SNURF: variants seen among roughly 807,000 people sequenced by gnomAD.
SNURF encodes the protein SNRPN upstream open reading frame.
In SNURF, 6 loss-of-function variants were observed where a neutral mutation model predicts 11.6. The observed-to-expected ratio is 0.52, with a 90% CI of 0.28 to 1.02. The LOEUF (loss-of-function observed/expected upper bound fraction) is 1.02, where lower values mean the gene tolerates loss of function less well. Among genes scored for constraint, SNURF ranks in the 50% least tolerant of loss-of-function variants. The pLI is 0.09. For missense variants in SNURF, 84 were observed against 88.4 expected (o/e 0.95, Z 0.20); for synonymous variants, 29 against 31.6 (o/e 0.92, Z 0.27).
downstream of SNURF, among the ~76,000 whole-genome samples, chr15:24,970,448 G>C (rs1267113446): frequency 1.3e-5 from 2 of 151,866 alleles, no homozygotes; most frequent in Admixed American, 1.3e-4. Context: ...GTGTAGTGGG[G>C]GACACCTGTA....
downstream of SNURF, among the ~76,000 whole-genome samples, chr15:24,973,051 C>G (rs1303780157): frequency 6.6e-6 from 1 of 152,076 alleles, no homozygotes; most frequent in Non-Finnish European, 1.5e-5. Flanking sequence ...CCACACCCAG[C>G]TAATGTTTGT....
At chr15:24,974,568 C>G (rs1262112827) in intron 3 of SNURF, 6 of 985,020 alleles carry the variant, frequency 6.1e-6, no homozygotes, top group Non-Finnish European at 9.9e-6. Context: ...AAGGATACAT[C>G]CATGGATATG....
chr15:24,959,627 T>A (rs2074439733), intron 1 of SNURF, among the ~76,000 whole-genome samples: 1 of 152,206 alleles, frequency 6.6e-6, no homozygotes, highest in Admixed American at 6.5e-5. Context: ...ATGGTTTAGT[T>A]GATAGTTTCT....
downstream of SNURF, among the ~76,000 whole-genome samples, chr15:24,970,211 A>G (rs2076225738): frequency 1.3e-5 from 2 of 152,324 alleles, no homozygotes; most frequent in South Asian, 4.1e-4. Context: ...GTAGTCTTTA[A>G]CAACATTTAA....
chr15:24,967,420 A>G (rs1393250928), intron 2 of SNURF, among the ~76,000 whole-genome samples: 1 of 152,000 alleles, frequency 6.6e-6, no homozygotes, highest in Non-Finnish European at 1.5e-5. Flanking sequence ...TGGGTGGATC[A>G]CCTGAGGTCA....
At chr15:24,966,518 G>A (rs2075662038) in intron 2 of SNURF, among the ~76,000 whole-genome samples, 1 of 152,106 alleles carries the variant, frequency 6.6e-6, no homozygotes, top group African/African-American at 2.4e-5. Context: ...TGCCCTCCCA[G>A]GAGGGCTTGC....
At chr15:24,978,403 C>A (rs536351078), downstream of SNURF, 13 of 1,613,978 alleles carry the variant, frequency 8.1e-6, no homozygotes, top group Non-Finnish European at 1.1e-5. Context: ...TATTTCCTTT[C>A]CAGGTCCACC....
chr15:24,976,821 G>C, intron 5 of SNURF: 1 of 1,501,098 alleles, frequency 6.7e-7, no homozygotes, highest in African/African-American at 1.4e-5. Flanking sequence ...TGATGAATAA[G>C]AATACTGAGA....
chr15:24,965,322 G>A (rs1047861866), intron 2 of SNURF, among the ~76,000 whole-genome samples: 1 of 152,126 alleles, frequency 6.6e-6, no homozygotes, highest in African/African-American at 2.4e-5. Flanking sequence ...CAGATCACCT[G>A]AGGTCAGGAG....
At chr15:24,967,417 A>C (rs1241729762) in intron 2 of SNURF, among the ~76,000 whole-genome samples, 1 of 152,050 alleles carries the variant, frequency 6.6e-6, no homozygotes, top group Non-Finnish European at 1.5e-5. Flanking sequence ...AAGTGGGTGG[A>C]TCACCTGAGG....
chr15:24,974,139 G>T, intron 3 of SNURF: 1 of 366,156 alleles, frequency 2.7e-6, no homozygotes, highest in East Asian at 5.2e-5. Context: ...TGTCAAATGT[G>T]AGAGTTAAGA....
chr15:24,967,957 C>T lies in SNURF; in HGVS notation c.136C>T (p.Gln46Ter). ...GTGTCAGTTGTACCCGAGGCGTTCT[C>T]AGCAGCAGCAAGTACCTGTGGTGGA... is the stretch of plus-strand genomic sequence containing the variant. Residue 46 changes from glutamine to a stop codon, truncating the protein, a stop_gained, in exon 3 of 3, where the codon CAG becomes TAG. Coordinates refer to ENST00000577949, the Ensembl canonical transcript of SNURF. LOFTEE classifies it high-confidence loss of function. 6.2e-7 allele frequency: 1 copy of T among 1,613,976 alleles called. No individual in the cohort carries two copies. The highest frequency in any genetic ancestry group is 8.5e-7 in the Non-Finnish European group (1 of 1,179,982).
intron 1 of SNURF, among the ~76,000 whole-genome samples, chr15:24,958,386 C>CTTTTTTT (rs75210247): frequency 9.7e-5 from 12 of 124,218 alleles, no homozygotes; most frequent in African/African-American, 3.4e-4. Flanking sequence ...GTCCTGTCTC[C>CTTTTTTT]TTTTTTTTTT....
chr15:24,962,250 C>T, intron 2 of SNURF, 41 bp downstream of exon 2: 1 of 1,523,856 alleles, frequency 6.6e-7, no homozygotes. Flanking sequence ...AAGTCAGAAT[C>T]TCCTTTCAGA....
chr15:24,974,539 G>C, intron 3 of SNURF: 1 of 1,294,564 alleles, frequency 7.7e-7, no homozygotes, highest in Non-Finnish European at 1.1e-6. Context: ...AGTGATCTTG[G>C]GTTCTGAATG....
downstream of SNURF, among the ~76,000 whole-genome samples, chr15:24,971,930 C>T (rs1385073551): frequency 6.6e-6 from 1 of 152,122 alleles, no homozygotes; most frequent in Non-Finnish European, 1.5e-5. Context: ...CTTTGGATGG[C>T]TGAAGGTCCC....
downstream of SNURF, among the ~76,000 whole-genome samples, chr15:24,972,199 T>G (rs556084949): frequency 2.2e-3 from 327 of 146,578 alleles, no homozygotes; most frequent in African/African-American, 8.0e-3. Flanking sequence ...GAGGCTGCAG[T>G]GAGCCGAGAT....
intron 1 of SNURF, among the ~76,000 whole-genome samples, chr15:24,958,154 T>C (rs181303445): frequency 6.6e-6 from 1 of 152,348 alleles, no homozygotes; most frequent in African/African-American, 2.4e-5. Context: ...AGTTACTCTG[T>C]ATCTTTATGT....
At chr15:24,968,226 T>A in exon 3 of SNURF, 1 of 585,242 alleles carries the variant, frequency 1.7e-6, no homozygotes, top group Non-Finnish European at 3.0e-6. Context: ...TTAGAAAGTT[T>A]TGCAGGACCT....
Sources: gnomAD v4.1 joint callset for allele counts (sites outside exome capture counted in the v4.1 genomes callset) on GRCh38, gnomAD v4.1.1 for gene constraint, MANE v1.5 for transcripts, NCBI Gene and HGNC (gene_info 2026-07-23, HGNC 2026-07-21) for gene names.